DNAH7: variants seen among roughly 807,000 people sequenced by gnomAD.
The protein encoded by DNAH7 is axonemal beta dynein heavy chain 7.
DNAH7 carries 397 observed loss-of-function variants against 444.6 expected under a neutral mutation model. The ratio of observed to expected loss-of-function variants is 0.89; its 90% confidence interval spans 0.82 to 0.97. DNAH7 has a LOEUF of 0.97. DNAH7 is among the 50% of genes least tolerant of loss of function. DNAH7 has a pLI of 0.00. For synonymous variants in DNAH7, 1,636 were observed against 1,624.4 expected, an observed-to-expected ratio of 1.01 and a Z score of -0.17; for missense variants, 4,902 against 4,800.8, an observed-to-expected ratio of 1.02 and a Z score of -0.62.
chr2:195,782,297 G>T (rs1695426698), intron 58 of DNAH7, among the ~76,000 whole-genome samples: 1 of 152,162 alleles, frequency 6.6e-6, no homozygotes, highest in Non-Finnish European at 1.5e-5. Flanking sequence ...ATTCCGCAAA[G>T]AATCCCTCTT....
chr2:195,923,852 A>T, intron 22 of DNAH7, 45 bp from the exon 23 acceptor site: 1 of 1,555,078 alleles, frequency 6.4e-7, no homozygotes, highest in Non-Finnish European at 8.8e-7. Flanking sequence ...TGTGATCAAA[A>T]TTATTTTGAA....
chr2:195,885,651 C>T (rs1025648294), intron 34 of DNAH7, among the ~76,000 whole-genome samples: 1 of 151,982 alleles, frequency 6.6e-6, no homozygotes, highest in Non-Finnish European at 1.5e-5. Flanking sequence ...TATTTTTATT[C>T]CCATTTTAAA....
chr2:196,043,176 T>C (rs918901346), intron 5 of DNAH7, among the ~76,000 whole-genome samples: 1 of 152,002 alleles, frequency 6.6e-6, no homozygotes, highest in African/African-American at 2.4e-5. Flanking sequence ...CACTACGTTT[T>C]ACATTTAACA....
intron 8 of DNAH7, among the ~76,000 whole-genome samples, chr2:196,021,099 C>T (rs917831586): frequency 2.0e-5 from 3 of 152,048 alleles, no homozygotes; most frequent in Non-Finnish European, 4.4e-5. Flanking sequence ...GAAATACATT[C>T]TATAAATATA....
intron 36 of DNAH7, 147 bp downstream of exon 36, chr2:195,881,643 CAAAAA>C (rs549774814): frequency 1.5e-6 from 1 of 673,810 alleles, no homozygotes. Context: ...TTGGCTAAAA[CAAAAA>C]AAAATAAGTG....
rs2125528129 is a variant in DNAH7, at chr2:195,960,551, G to A, written c.2600C>T (p.Pro867Leu). The A allele has an allele frequency of 6.2e-7, 1 of 1,614,178 alleles. No individual in the cohort carries two copies. The highest frequency in any genetic ancestry group is 8.5e-7 in the Non-Finnish European group (1 of 1,180,026). The change falls in exon 18 of 65, where the codon CCA (proline) becomes CTA (leucine). Residue 867 changes from proline (P) to leucine (L), a missense_variant. Pro to Leu is a moderately conservative substitution (Grantham distance 98). Coordinates refer to ENST00000312428, the MANE Select transcript of DNAH7 (RefSeq NM_018897.3). ...AGAGGAGACTGTGGAGTCATCTGAT[G>A]GCTGCAAAGGGTAACCAACAATGGC... ...MSAIVGYPLQ[P>L]SDDSTVSSFL...
chr2:195,951,528 C>T (rs955862842), intron 19 of DNAH7, among the ~76,000 whole-genome samples: 1 of 151,764 alleles, frequency 6.6e-6, no homozygotes, highest in Non-Finnish European at 1.5e-5. Flanking sequence ...CTGTCTAATA[C>T]TGTGGGGTGC....
At chr2:196,051,475 T>C (rs1238361941) in intron 2 of DNAH7, among the ~76,000 whole-genome samples, 1 of 152,070 alleles carries the variant, frequency 6.6e-6, no homozygotes, top group Admixed American at 6.6e-5. Flanking sequence ...CAGAAAGCTT[T>C]AAAAAGTATG....
intron 46 of DNAH7, among the ~76,000 whole-genome samples, chr2:195,851,459 T>G (rs1041127780): frequency 1.3e-5 from 2 of 152,240 alleles, no homozygotes; most frequent in Non-Finnish European, 2.9e-5. Flanking sequence ...CAGAAGGCAC[T>G]CTGAGCTTTG....
intron 50 of DNAH7, among the ~76,000 whole-genome samples, chr2:195,817,354 A>AT (rs1697274722): frequency 6.6e-6 from 1 of 152,240 alleles, no homozygotes; most frequent in Admixed American, 6.5e-5. Context: ...GGGATGCAAC[A>AT]TATTCATTCA....
chr2:196,040,981 C>A (rs1337135670), intron 5 of DNAH7, among the ~76,000 whole-genome samples: 1 of 151,568 alleles, frequency 6.6e-6, no homozygotes, highest in Non-Finnish European at 1.5e-5. Flanking sequence ...AAACTAATTA[C>A]CTAGGAAGAA....
At chr2:195,891,081 G>A (rs1472071015) in intron 31 of DNAH7, among the ~76,000 whole-genome samples, 1 of 152,180 alleles carries the variant, frequency 6.6e-6, no homozygotes, top group African/African-American at 2.4e-5. Flanking sequence ...AGCAGAATAA[G>A]CCAGGAGTAG....
chr2:195,754,040 A>G (rs529534479), intron 63 of DNAH7, among the ~76,000 whole-genome samples: 1 of 152,282 alleles, frequency 6.6e-6, no homozygotes, highest in South Asian at 2.1e-4. Context: ...AATAACTTCT[A>G]ACTTACAAAA....
At chr2:195,984,032 T>C (rs1692743202) in intron 15 of DNAH7, among the ~76,000 whole-genome samples, 1 of 152,192 alleles carries the variant, frequency 6.6e-6, no homozygotes, top group South Asian at 2.1e-4. Context: ...TCAATCAGAC[T>C]TGTTTTGGTC....
chr2:195,756,688 C>G (rs1363910493), intron 61 of DNAH7, among the ~76,000 whole-genome samples: 6 of 151,928 alleles, frequency 3.9e-5, no homozygotes, highest in Non-Finnish European at 7.4e-5. Flanking sequence ...TGATTTTTTA[C>G]TTTAAAAATT....
chr2:195,951,412 T>A (rs369085907), intron 19 of DNAH7, among the ~76,000 whole-genome samples: 4 of 152,188 alleles, frequency 2.6e-5, no homozygotes, highest in Non-Finnish European at 4.4e-5. Context: ...AGAATGTATA[T>A]TCTGTTGATT....
intron 36 of DNAH7, 83 bp downstream of exon 36, chr2:195,881,712 T>A (rs1290294553): frequency 3.5e-6 from 5 of 1,410,034 alleles, no homozygotes; most frequent in African/African-American, 2.9e-5. Flanking sequence ...TGAGTATTTT[T>A]AAAAAATTAT....
chr2:196,025,237 T>G (rs942339539), intron 7 of DNAH7, among the ~76,000 whole-genome samples: 1 of 152,190 alleles, frequency 6.6e-6, no homozygotes, highest in Admixed American at 6.5e-5. Flanking sequence ...TTAAGTTGCA[T>G]AAGAGCATAA....
chr2:195,832,949 A>T (rs7594202), intron 48 of DNAH7, among the ~76,000 whole-genome samples: 111,474 of 152,072 alleles, frequency 0.73, 41,021 homozygotes, highest in African/African-American at 0.76. Context: ...TTCTTCCTCA[A>T]ACTATATGGT....
Sources: allele counts gnomAD v4.1 joint callset (sites outside exome capture counted in the v4.1 genomes callset), GRCh38; gene constraint gnomAD v4.1.1; transcripts MANE v1.5; gene names NCBI Gene and HGNC (gene_info 2026-07-23, HGNC 2026-07-21).